ZNF219: variants seen among roughly 807,000 people sequenced by gnomAD.
ZNF219 encodes zinc finger protein 219.
ZNF219 carries 17 observed loss-of-function variants against 54.4 expected under a neutral mutation model. That is an observed-to-expected ratio of 0.31 (90% CI 0.21 to 0.47). The LOEUF is 0.47. ZNF219 is among the 20% of genes least tolerant of loss of function. The pLI is 1.00. For synonymous variants in ZNF219, 518 were observed against 476.4 expected, an observed-to-expected ratio of 1.09 and a Z score of -1.14; for missense variants, 1,014 against 1,062.3, an observed-to-expected ratio of 0.95 and a Z score of 0.63.
At chr14:21,100,622 CCATT>C (rs1229420279), upstream of ZNF219, among the ~76,000 whole-genome samples, 1 of 152,124 alleles carries the variant, frequency 6.6e-6, no homozygotes, top group African/African-American at 2.4e-5. Context: ...TCCCCCCCAT[CCATT>C]GAGTCAGTGT....
upstream of ZNF219, chr14:21,101,762 C>T: frequency 3.3e-6 from 3 of 904,100 alleles, no homozygotes; most frequent in South Asian, 5.0e-5. Context: ...CTTTCCTCCA[C>T]CCTGCATTCA....
Position 21,098,413 on chromosome 14 carries a change from A to T in ZNF219, c.-185T>A. The T allele has an allele frequency of 1.9e-6, 1 of 531,034 alleles. No individual in the cohort carries two copies. Among genetic ancestry groups the T allele is most frequent in the Non-Finnish European group, 2.3e-6 (1 of 426,162 alleles). The allele number at this position is 531,034 out of a possible 1,614,324, so 32.9% of individuals were successfully genotyped here. ...TCAGCGTTACGTGGGGCCGGGGGAG[A>T]TGCGCCGGGCCCCGGCCCCCCCGCC... On this transcript the variant is annotated 5_prime_UTR_variant, in exon 1 of 5. Transcript: ENST00000360947.
chr14:21,098,118 A>C (rs10132732), intron 1 of ZNF219, among the ~76,000 whole-genome samples, 194 bp downstream of exon 1: 203 of 63,658 alleles, frequency 3.2e-3, no homozygotes, highest in South Asian at 9.8e-3. Flanking sequence ...CGCCACCCCC[A>C]CCCCGCCCCC....
chr14:21,103,288 C>A (rs751730317), upstream of ZNF219: 6 of 1,542,432 alleles, frequency 3.9e-6, no homozygotes, highest in South Asian at 4.8e-5. Context: ...TCCTGCATCC[C>A]ACCCCACCAA....
intron 1 of ZNF219, chr14:21,094,620 G>A (rs1215436348): frequency 7.5e-6 from 2 of 266,754 alleles, no homozygotes; most frequent in Non-Finnish European, 1.5e-5. Flanking sequence ...CATGCTCTGA[G>A]CAGGAAAGGG....
chr14:21,095,529 C>A (rs971104526), intron 1 of ZNF219, among the ~76,000 whole-genome samples: 1 of 152,088 alleles, frequency 6.6e-6, no homozygotes, highest in Non-Finnish European at 1.5e-5. Context: ...CCTTCCTGCT[C>A]GAAAAAAGTT....
At position 21,098,356 on chromosome 14, in the gene ZNF219, C is replaced by CGGCG. The variant is rs1555342321; in HGVS notation, c.-132_-129dup. ...GCGGAGCGGGCGGCGGCGGCGGCGG[C>CGGCG]GGCGGCGGGCGGCGGGCCGGCGGCG... On this transcript the variant is annotated 5_prime_UTR_variant, in exon 1 of 5. An upstream open reading frame in the 5' UTR loses its in-frame stop. Transcript: ENST00000360947. The CGGCG allele has an allele frequency of 3.1e-4, 112 of 357,486 alleles. No individual in the cohort carries two copies. The highest frequency in any genetic ancestry group is 2.5e-3 in the African/African-American group (107 of 43,430). The allele number at this position is 357,486 out of a possible 1,614,324, so 22.1% of individuals were successfully genotyped here.
At chr14:21,102,177 A>G (rs1889683876), upstream of ZNF219, 1 of 1,508,718 alleles carries the variant, frequency 6.6e-7, no homozygotes, top group Non-Finnish European at 8.9e-7. Flanking sequence ...GACACCTACA[A>G]CCCTCAGCCT....
upstream of ZNF219, chr14:21,103,157 G>C: frequency 3.2e-6 from 5 of 1,551,698 alleles, no homozygotes; most frequent in Non-Finnish European, 4.4e-6. Context: ...TGAGTTGGAA[G>C]AGGTTCCTGG....
At chr14:21,103,816 G>C (rs1460228069), upstream of ZNF219, 1 of 155,618 alleles carries the variant, frequency 6.4e-6, no homozygotes, top group East Asian at 1.9e-4. Context: ...CCCCGCGTTC[G>C]GGGAGGAGCC....
intron 3 of ZNF219, 105 bp downstream of exon 3, chr14:21,091,760 A>T (rs1888896207): frequency 1.4e-6 from 2 of 1,459,776 alleles, no homozygotes; most frequent in African/African-American, 2.8e-5. Context: ...AAAACTCAGG[A>T]GAAATTAAAC....
At chr14:21,098,269 T>G (rs1332797764) in intron 1 of ZNF219, 43 bp downstream of exon 1, 70 of 127,146 alleles carry the variant, frequency 5.5e-4, no homozygotes, top group South Asian at 3.8e-3. Context: ...GGGGGCCGGG[T>G]GGCGGACGGG....
upstream of ZNF219, chr14:21,101,463 C>T (rs1889627101): frequency 1.9e-6 from 3 of 1,549,330 alleles, no homozygotes; most frequent in Non-Finnish European, 2.6e-6. Context: ...TGAGGCCAGG[C>T]TACCCCATCC....
Position 21,090,306 on chromosome 14 carries a change from C to G in ZNF219, c.*230G>C. ...AACCTTCTCTGCCAGCCCAGGGACC[C>G]CGTTCTTTGACCCTCACCTCTGCCA... On this transcript the variant is annotated 3_prime_UTR_variant, in exon 5 of 5. Transcript: ENST00000360947. This position sits in a 1 kb window ranked among gnomAD's most constrained non-coding sequence, Gnocchi z 4.4. The G allele has an allele frequency of 4.2e-6, 3 of 710,292 alleles. No homozygotes were observed. The allele number at this position is 710,292 out of a possible 1,614,324, so 44.0% of individuals were successfully genotyped here.
upstream of ZNF219, chr14:21,102,867 T>G: frequency 6.7e-7 from 1 of 1,490,912 alleles, no homozygotes; most frequent in Non-Finnish European, 8.9e-7. Flanking sequence ...TAAGGGAAAA[T>G]AATGGGGCAG....
At chr14:21,094,541 T>C in intron 1 of ZNF219, 2 of 355,674 alleles carry the variant, frequency 5.6e-6, no homozygotes, top group Non-Finnish European at 1.1e-5. Context: ...ACACTGGCTC[T>C]GAGCTCAAGA....
At position 21,090,676 on chromosome 14, in the gene ZNF219, G is replaced by C. The variant is rs1156340731; in HGVS notation, c.2029C>G (p.Arg677Gly). 3 of 1,612,064 alleles carry C rather than the reference G, an allele frequency of 1.9e-6. No individual in the cohort carries two copies. The highest frequency in any genetic ancestry group is 1.7e-5 in the Admixed American group (1 of 59,962). ...GGGGACGCGTCAGCCTGGGGTGGCC[G>C]GCGGCCCCTAGCCCGGCGGCTGTGG... ...VHHSRRARGR[R>G]PPQADASPPY... Residue 677 changes from arginine to glycine, a missense_variant, in exon 5 of 5, where the codon CGG becomes GGG. Physicochemically the swap from Arg to Gly is moderately radical, Grantham distance 125. This residue lies in a region of ZNF219 where 281 missense variants were observed against 271.2 expected (regional missense o/e 1.04). Coordinates refer to ENST00000360947, the MANE Select transcript of ZNF219 (RefSeq NM_016423.3). This position sits in a 1 kb window ranked among gnomAD's most constrained non-coding sequence, Gnocchi z 4.4.
chr14:21,101,053 C>G (rs1412080659), upstream of ZNF219: 1 of 300,160 alleles, frequency 3.3e-6, no homozygotes, highest in Non-Finnish European at 6.5e-6. Flanking sequence ...AAACCTTTGC[C>G]CCACCACACC....
At chr14:21,101,810 A>G, upstream of ZNF219, 1 of 1,414,766 alleles carries the variant, frequency 7.1e-7, no homozygotes, top group Non-Finnish European at 9.7e-7. Flanking sequence ...AGGAGTTACG[A>G]GAAGGGAGGG....
Sources: gnomAD v4.1 joint callset for allele counts (sites outside exome capture counted in the v4.1 genomes callset) on GRCh38, gnomAD v4.1.1 for gene constraint, gnomAD v4.1.1 regional missense constraint, Gnocchi (gnomAD v3.1) non-coding constraint, MANE v1.5 for transcripts, NCBI Gene and HGNC (gene_info 2026-07-23, HGNC 2026-07-21) for gene names.